Variants in NDFIP1 observed in about 807,000 individuals in gnomAD.
NDFIP1 encodes the protein Nedd4 family interacting protein 1, also known as NEDD4 family-interacting protein 1.
In NDFIP1, 7 loss-of-function variants were observed where a neutral mutation model predicts 28.8. The observed-to-expected ratio is 0.24, with a 90% CI of 0.14 to 0.46. NDFIP1 has a LOEUF of 0.46. NDFIP1 is among the 20% of genes least tolerant of loss of function. NDFIP1 has a pLI of 0.99. For missense variants in NDFIP1, 194 were observed against 269.1 expected (o/e 0.72, Z 1.95); for synonymous variants, 92 against 101.0 (o/e 0.91, Z 0.53).
intron 1 of NDFIP1, among the ~76,000 whole-genome samples, chr5:142,115,360 T>C (rs1344965714): frequency 6.6e-6 from 1 of 152,172 alleles, no homozygotes; most frequent in Non-Finnish European, 1.5e-5. Context: ...CTCGGCTCAC[T>C]GCAACCTCCG....
rs1310606116 is a variant in NDFIP1, at chr5:142,152,990, G to A, written c.*1262G>A. The stretch of plus-strand genomic sequence containing the variant: ...AACATTGGTTCTGTAAAAGATAATG[G>A]ACTAAAAAAGTAGAGAGGAGTTGTA... On this transcript the variant is annotated 3_prime_UTR_variant, in exon 8 of 8. Transcript: ENST00000253814. The A allele has an allele frequency of 3.5e-6, 1 of 289,494 alleles. No homozygotes were observed. Among genetic ancestry groups the A allele is most frequent in the Non-Finnish European group, 6.8e-6 (1 of 147,572 alleles). 17.9% of individuals were successfully genotyped at this position (289,494 alleles called of 1,614,324 possible). A position where few individuals can be genotyped will look rare whatever the true frequency, so the allele number is the denominator to read the frequency against.
chr5:142,130,818 T>C (rs1422087193), intron 1 of NDFIP1, among the ~76,000 whole-genome samples: 1 of 152,234 alleles, frequency 6.6e-6, no homozygotes, highest in African/African-American at 2.4e-5. Context: ...TGTTGAACTG[T>C]AAATGTCTCA....
In NDFIP1 at chr5:142,144,578, C is replaced by G. The variant is rs1346839490; in HGVS notation, c.570C>G (p.Leu190=). ...LWWVFLVLGF[L]LFLRGFINYA... is the part of the protein sequence containing the mutation. ...TTTTCTTTTTTAAATTAGGCTTTCT[C>G]CTGTTTCTCAGAGGATTTATCAATT... The change falls in exon 7 of 8, where the codon CTC becomes CTG. Residue 190 remains leucine (L), a synonymous_variant. Transcript: ENST00000253814. 9.3e-6 allele frequency: 15 copies of G among 1,607,054 alleles called. No homozygotes were observed. Among genetic ancestry groups the G allele is most frequent in the Non-Finnish European group, 1.3e-5 (15 of 1,176,770 alleles).
At chr5:142,111,867 G>C (rs914359177) in intron 1 of NDFIP1, among the ~76,000 whole-genome samples, 4 of 151,122 alleles carry the variant, frequency 2.6e-5, no homozygotes, top group Non-Finnish European at 5.9e-5. Context: ...AGGAGTTCGA[G>C]ACCAGCCTGG....
intron 1 of NDFIP1, 35 bp downstream of exon 1, chr5:142,109,072 T>TC: frequency 7.4e-7 from 1 of 1,353,380 alleles, no homozygotes; most frequent in Non-Finnish European, 9.5e-7. Flanking sequence ...CGAACTCCGG[T>TC]CCCTGGCTCT....
At position 142,153,010 on chromosome 5, in the gene NDFIP1, G is replaced by A. The variant is rs1596798650; in HGVS notation, c.*1282G>A. 6.1e-6 allele frequency: 2 copies of A among 329,896 alleles called. No homozygotes were observed. The highest frequency in any genetic ancestry group is 1.6e-4 in the East Asian group (2 of 12,848). The allele number at this position is 329,896 out of a possible 1,614,324, so 20.4% of individuals were successfully genotyped here. ...TAATGGACTAAAAAAGTAGAGAGGA[G>A]TTGTAGAGATCTTAAATCATTCTGG... On this transcript the variant is annotated 3_prime_UTR_variant, in exon 8 of 8. Coordinates refer to ENST00000253814, the MANE Select transcript of NDFIP1 (RefSeq NM_030571.4).
intron 1 of NDFIP1, among the ~76,000 whole-genome samples, chr5:142,116,345 TC>T (rs758780697): frequency 0.27 from 33,605 of 124,904 alleles, 4,917 homozygotes; most frequent in African/African-American, 0.47. Flanking sequence ...CTTCCTTCCT[TC>T]CTTCTTTCTC....
intron 4 of NDFIP1, among the ~76,000 whole-genome samples, chr5:142,136,697 G>A (rs1370547838): frequency 6.8e-6 from 1 of 147,616 alleles, no homozygotes; most frequent in Non-Finnish European, 1.5e-5. Context: ...AGAGGTTGCC[G>A]TGAGGTGAGA....
chr5:142,127,981 T>C (rs1757187376), intron 1 of NDFIP1, among the ~76,000 whole-genome samples: 2 of 152,076 alleles, frequency 1.3e-5, no homozygotes. Flanking sequence ...ATTTGAAGTT[T>C]AGTAAAATTG....
intron 1 of NDFIP1, among the ~76,000 whole-genome samples, chr5:142,119,202 C>G (rs116451905): frequency 9.7e-4 from 147 of 152,308 alleles, no homozygotes; most frequent in African/African-American, 3.4e-3. Context: ...CTAGCCTACT[C>G]CCCTTATCTA....
chr5:142,115,491 G>A (rs1422847436), intron 1 of NDFIP1, among the ~76,000 whole-genome samples: 16 of 151,996 alleles, frequency 1.1e-4, no homozygotes, highest in African/African-American at 3.9e-4. Flanking sequence ...CACCATGTTG[G>A]CCAGGCTGGT....
chr5:142,132,743 T>C (rs1047056247), intron 3 of NDFIP1, among the ~76,000 whole-genome samples: 6 of 152,304 alleles, frequency 3.9e-5, no homozygotes, highest in African/African-American at 1.4e-4. Context: ...AGAGGGATCT[T>C]CACATTGATT....
chr5:142,110,311 G>C (rs2126907930), intron 1 of NDFIP1, among the ~76,000 whole-genome samples: 1 of 152,280 alleles, frequency 6.6e-6, no homozygotes, highest in East Asian at 1.9e-4. Flanking sequence ...ACCTTGGGCA[G>C]CCTGCGGGTT....
At chr5:142,117,547 A>T (rs918312864) in intron 1 of NDFIP1, among the ~76,000 whole-genome samples, 6 of 152,122 alleles carry the variant, frequency 3.9e-5, no homozygotes, top group Admixed American at 3.9e-4. Context: ...GGCCGATTTC[A>T]TTTTATCATT....
intron 1 of NDFIP1, among the ~76,000 whole-genome samples, chr5:142,116,588 C>T (rs1381521354): frequency 1.3e-5 from 2 of 152,036 alleles, no homozygotes; most frequent in Non-Finnish European, 2.9e-5. Context: ...AGGCTAGTCT[C>T]GAACTCCTGA....
intron 1 of NDFIP1, among the ~76,000 whole-genome samples, chr5:142,110,910 T>C (rs1430883770): frequency 6.6e-6 from 1 of 152,018 alleles, no homozygotes; most frequent in Non-Finnish European, 1.5e-5. Context: ...TTTGTTCTCA[T>C]TGTCAAAGAC....
intron 2 of NDFIP1, 110 bp from the exon 3 acceptor site, chr5:142,132,102 T>C (rs1757233759): frequency 2.3e-6 from 3 of 1,299,404 alleles, no homozygotes; most frequent in South Asian, 1.5e-5. Context: ...TCAATTGTTA[T>C]GTATGTACTC....
intron 5 of NDFIP1, among the ~76,000 whole-genome samples, chr5:142,139,198 C>T (rs996690053): frequency 1.2e-4 from 17 of 147,420 alleles, no homozygotes; most frequent in African/African-American, 4.3e-4. Flanking sequence ...CCAGCCTGGG[C>T]GACAGAGCGA....
intron 1 of NDFIP1, 35 bp from the exon 2 acceptor site, chr5:142,131,773 T>C: frequency 6.6e-7 from 1 of 1,514,770 alleles, no homozygotes; most frequent in Non-Finnish European, 8.9e-7. Flanking sequence ...CTAATTGGCT[T>C]TATGCTTACA....
Sources: allele counts gnomAD v4.1 joint callset (sites outside exome capture counted in the v4.1 genomes callset), GRCh38; gene constraint gnomAD v4.1.1; transcripts MANE v1.5; gene names NCBI Gene and HGNC (gene_info 2026-07-23, HGNC 2026-07-21).